ZFAT: variants seen among roughly 807,000 people sequenced by gnomAD.
ZFAT encodes the protein zinc finger and AT-hook domain containing.
In ZFAT, 64 loss-of-function variants were observed where a neutral mutation model predicts 117.7. That is an observed-to-expected ratio of 0.54 (90% CI 0.44 to 0.67). The LOEUF (loss-of-function observed/expected upper bound fraction) is 0.67. ZFAT is among the 30% of genes least tolerant of loss of function. ZFAT has a pLI of 0.00. For missense variants in ZFAT, 1,433 were observed against 1,584.5 expected (o/e 0.90, Z 1.62); for synonymous variants, 679 against 615.0 (o/e 1.10, Z -1.54).
Position 134,478,511 on chromosome 8 carries a change from C to G in ZFAT, c.3703G>C (p.Ala1235Pro), listed in dbSNP as rs1563752642. ...AGTTCCTGGGCCGGCTGCTCCACAGCCTGCTCCTCCACAGGCTGCATGGCC... is the reference window on the plus strand; with the variant it reads ...AGTTCCTGGGCCGGCTGCTCCACAGGCTGCTCCTCCACAGGCTGCATGGCC... The part of the protein sequence containing the change: ...QEAMQPVEEQ[A>P]VEQPAQEL The change falls in exon 16 of 16, where the codon GCT (alanine) becomes CCT (proline). Residue 1235 changes from alanine to proline, a missense_variant. By Grantham distance (27) the Ala-to-Pro change is conservative. Coordinates refer to ENST00000377838, the MANE Select transcript of ZFAT (RefSeq NM_020863.4). This position sits in a 1 kb window ranked among gnomAD's most constrained non-coding sequence, Gnocchi z 5.2. The G allele has an allele frequency of 6.3e-7, 1 of 1,582,042 alleles. No individual in the cohort carries two copies.
At chr8:134,779,548 T>C in the ZFAT span, among the ~76,000 whole-genome samples, 1 of 152,212 alleles carries the variant, frequency 6.6e-6, no homozygotes, top group African/African-American at 2.4e-5. Flanking sequence ...GCAACACTCA[T>C]GCTTGTGAGT....
intron 10 of ZFAT, among the ~76,000 whole-genome samples, chr8:134,579,592 G>A (rs1013352547): frequency 7.9e-5 from 12 of 152,138 alleles, no homozygotes; most frequent in Admixed American, 7.2e-4. Context: ...CGGAGACACA[G>A]CCAAACCATA....
At chr8:134,532,200 T>C (rs538490738) in intron 12 of ZFAT, among the ~76,000 whole-genome samples, 21 of 152,342 alleles carry the variant, frequency 1.4e-4, no homozygotes, top group African/African-American at 4.8e-4. Flanking sequence ...TCATCAATTC[T>C]CATTAGTTTA....
At chr8:134,795,956 A>C in the ZFAT span, 2 of 152,104 alleles carry the variant, frequency 1.3e-5, no homozygotes, top group Non-Finnish European at 2.9e-5. Flanking sequence ...TTGATTTCTG[A>C]ACCTTAACGT....
intron 3 of ZFAT, among the ~76,000 whole-genome samples, chr8:134,622,775 G>A (rs893360510): frequency 6.6e-6 from 1 of 152,060 alleles, no homozygotes; most frequent in Admixed American, 6.5e-5. Context: ...CGGGGATGGG[G>A]AGCAGTATTT....
chr8:134,568,261 C>T (rs1441633163), intron 10 of ZFAT, among the ~76,000 whole-genome samples: 3 of 152,196 alleles, frequency 2.0e-5, no homozygotes, highest in African/African-American at 7.2e-5. Context: ...TGTAAGGAAA[C>T]TTTTTCACTT....
intron 5 of ZFAT, among the ~76,000 whole-genome samples, chr8:134,608,131 G>C (rs1828030701): frequency 6.6e-6 from 1 of 152,164 alleles, no homozygotes; most frequent in Non-Finnish European, 1.5e-5. Flanking sequence ...AGACTTTCAA[G>C]GTGTAGTAAG....
chr8:134,704,361 C>A (rs896424830), intron 1 of ZFAT, among the ~76,000 whole-genome samples: 1 of 152,178 alleles, frequency 6.6e-6, no homozygotes, highest in Non-Finnish European at 1.5e-5. Context: ...GTTTTCATGT[C>A]CCTGAGCCTG....
Position 134,548,421 on chromosome 8 carries a change from C to T in ZFAT, c.2977-15449G>A, listed in dbSNP as rs185825396. On this transcript the variant is annotated intron_variant, in intron 11 of 15. Coordinates refer to ENST00000377838, the MANE Select transcript of ZFAT (RefSeq NM_020863.4). Reference sequence around the variant, plus strand: ...CACGGAGATGGAGTGGGACACGCCACGTCTGCAATGGAGGGTGGAGGGTGA... The same window carrying T: ...CACGGAGATGGAGTGGGACACGCCATGTCTGCAATGGAGGGTGGAGGGTGA... 2.0e-4 allele frequency among the ~76,000 whole-genome samples: 31 copies of T among 152,210 alleles called. No individual in the cohort carries two copies. In the East Asian group the frequency reaches 5.4e-3, roughly 27 times the overall value.
intron 10 of ZFAT, among the ~76,000 whole-genome samples, chr8:134,583,014 G>T (rs1825815031): frequency 6.6e-6 from 1 of 152,078 alleles, no homozygotes; most frequent in African/African-American, 2.4e-5. Context: ...AATGTTAAAA[G>T]TCTCTTACAG....
chr8:134,741,000 T>C, the ZFAT span, among the ~76,000 whole-genome samples: 2 of 152,150 alleles, frequency 1.3e-5, no homozygotes, highest in African/African-American at 4.8e-5. Flanking sequence ...CTTTTCCCTC[T>C]ACCATAACCA....
At chr8:134,827,075 G>T in the ZFAT span, among the ~76,000 whole-genome samples, 1 of 151,742 alleles carries the variant, frequency 6.6e-6, no homozygotes, top group Admixed American at 6.6e-5. Context: ...GAGGGAGACA[G>T]GGTCTTGCTT....
At chr8:134,573,396 G>A (rs1158663051) in intron 10 of ZFAT, among the ~76,000 whole-genome samples, 1 of 152,194 alleles carries the variant, frequency 6.6e-6, no homozygotes, top group East Asian at 1.9e-4. Context: ...GATGTGTCGT[G>A]TAGTTCAAAG....
chr8:134,829,364 C>G, the ZFAT span, among the ~76,000 whole-genome samples: 1 of 152,186 alleles, frequency 6.6e-6, no homozygotes, highest in South Asian at 2.1e-4. Context: ...GATTGGACAC[C>G]GCTGCCTTAA....
intron 2 of ZFAT, among the ~76,000 whole-genome samples, chr8:134,656,869 G>T (rs1382048266): frequency 6.6e-6 from 1 of 152,152 alleles, no homozygotes; most frequent in Non-Finnish European, 1.5e-5. Context: ...TGCCTGGATG[G>T]TTTCTCTGAT....
intron 11 of ZFAT, among the ~76,000 whole-genome samples, chr8:134,549,790 G>A (rs969485259): frequency 1.3e-5 from 2 of 152,206 alleles, no homozygotes; most frequent in Non-Finnish European, 2.9e-5. Flanking sequence ...AGGACAATGT[G>A]GGAAACTGGT....
At chr8:134,587,974 A>C (rs1826189727) in intron 9 of ZFAT, among the ~76,000 whole-genome samples, 1 of 152,160 alleles carries the variant, frequency 6.6e-6, no homozygotes, top group African/African-American at 2.4e-5. Flanking sequence ...CAAGGTACCT[A>C]CTTTCCAGCA....
At chr8:134,551,377 C>T (rs1041825893) in intron 11 of ZFAT, among the ~76,000 whole-genome samples, 3 of 152,176 alleles carry the variant, frequency 2.0e-5, no homozygotes, top group Non-Finnish European at 2.9e-5. Flanking sequence ...ACACAGAAAA[C>T]ACCTGCGTAA....
At chr8:134,830,058 T>A in the ZFAT span, among the ~76,000 whole-genome samples, 1 of 152,112 alleles carries the variant, frequency 6.6e-6, no homozygotes, top group Non-Finnish European at 1.5e-5. Context: ...GAGTAAACCG[T>A]TCAAGAACTG....
Sources: gnomAD v4.1 joint callset for allele counts (sites outside exome capture counted in the v4.1 genomes callset) on GRCh38, gnomAD v4.1.1 for gene constraint, Gnocchi (gnomAD v3.1) non-coding constraint, MANE v1.5 for transcripts, NCBI Gene and HGNC (gene_info 2026-07-23, HGNC 2026-07-21) for gene names.